The following IL18BP variants were observed in gnomAD, a reference collection of about 807,000 sequenced individuals.
The protein encoded by IL18BP is interleukin 18 binding protein.
In IL18BP, 23 loss-of-function variants were observed where a neutral mutation model predicts 19.9. The observed-to-expected ratio is 1.15, with a 90% CI of 0.83 to 1.64. IL18BP has a LOEUF of 1.64. Among genes scored for constraint, IL18BP ranks in the 40% most tolerant of loss-of-function variants. The pLI, the probability that IL18BP is intolerant of heterozygous loss-of-function variation, is 0.00. For missense variants in IL18BP, 239 were observed against 240.7 expected (o/e 0.99, Z 0.05); for synonymous variants, 107 against 101.0 (o/e 1.06, Z -0.35).
At chr11:72,001,083 C>T in intron 3 of IL18BP, 118 bp from the exon 4 acceptor site, 1 of 1,231,234 alleles carries the variant, frequency 8.1e-7, no homozygotes, top group Non-Finnish European at 1.2e-6. Context: ...GTGTGCAGAG[C>T]AGTTCTCTAG....
downstream of IL18BP, chr11:72,005,454 C>A: frequency 7.6e-7 from 1 of 1,310,888 alleles, no homozygotes; most frequent in South Asian, 1.3e-5. Flanking sequence ...GCCTTTGCTG[C>A]CACCTACCCC....
At chr11:72,007,962 G>A (rs1955859751), downstream of IL18BP, 1 of 379,602 alleles carries the variant, frequency 2.6e-6, no homozygotes, top group Non-Finnish European at 5.1e-6. Flanking sequence ...GAAGATGAGT[G>A]GTGACAAGCC....
intron 5 of IL18BP, 26 bp from the exon 6 acceptor site, chr11:72,001,758 A>T: frequency 6.2e-6 from 10 of 1,614,046 alleles, no homozygotes; most frequent in Non-Finnish European, 8.5e-6. Flanking sequence ...CCTTGGCCTG[A>T]TCCTTGTCTG....
rs547025486 is a variant in IL18BP, at chr11:72,002,673, AAG to A, written c.*818_*819del. ...GGGAACACAGGCGCTTGAAAAAGAA[AAG>A]AGAGAACAGCCCATAATGCTCCCCG... is the stretch of plus-strand genomic sequence containing the variant. On this transcript the variant is annotated 3_prime_UTR_variant, in exon 6 of 6. Coordinates refer to ENST00000393703, the MANE Select transcript of IL18BP (RefSeq NM_001039660.2). 1.8e-4 allele frequency: 30 copies of A among 171,316 alleles called. No homozygotes were observed. Among genetic ancestry groups the A allele is most frequent in the Admixed American group, 3.2e-4 (5 of 15,698 alleles). The allele number at this position is 171,316 out of a possible 1,614,324, so 10.6% of individuals were successfully genotyped here.
downstream of IL18BP, among the ~76,000 whole-genome samples, chr11:72,006,496 A>G (rs1223514171): frequency 6.6e-6 from 1 of 152,166 alleles, no homozygotes; most frequent in Non-Finnish European, 1.5e-5. Flanking sequence ...GAGTCTATTC[A>G]TAATGCTTTG....
downstream of IL18BP, chr11:72,006,400 T>G (rs373225778): frequency 1.5e-6 from 1 of 685,382 alleles, no homozygotes; most frequent in Admixed American, 2.9e-5. Context: ...TTAAAGTGTG[T>G]GTCTGCAAGA....
rs1955234925 is a variant in IL18BP at position 72,001,504 on chromosome 11, G to C, written c.459G>C (p.Val153=). The change falls in exon 5 of 6, where the codon GTG becomes GTC. Residue 153 remains valine, a synonymous_variant. Transcript: ENST00000393703. ...GCACCAACTTCTCCTGTGTGCTCGTGGACCCTGAACAGGTTGTCCAGCGTC... is the reference window on the plus strand; with the variant it reads ...GCACCAACTTCTCCTGTGTGCTCGTCGACCCTGAACAGGTTGTCCAGCGTC... ...LHSTNFSCVL[V]DPEQVVQRHV... 6.2e-7 allele frequency: 1 copy of C among 1,613,836 alleles called. No homozygotes were observed. Among genetic ancestry groups the C allele is most frequent in the African/African-American group, 1.3e-5 (1 of 74,930 alleles).
In IL18BP at chr11:72,000,336, C is replaced by G. The variant is rs750069997; in HGVS notation, c.29-15C>G. The G allele has an allele frequency of 6.2e-7, 1 of 1,611,690 alleles. No individual in the cohort carries two copies. Among genetic ancestry groups the G allele is most frequent in the Non-Finnish European group, 8.5e-7 (1 of 1,178,646 alleles). On this transcript the variant is annotated splice_polypyrimidine_tract_variant and intron_variant, in intron 2 of 5. Coordinates refer to ENST00000393703, the MANE Select transcript of IL18BP (RefSeq NM_001039660.2). Reference sequence around the variant, plus strand: ...TGTCTCCAGAGCCGCTGACCTGTAACTGTCCTTTCCTCAGACCTCAGCCCT... The same window carrying G: ...TGTCTCCAGAGCCGCTGACCTGTAAGTGTCCTTTCCTCAGACCTCAGCCCT...
chr11:72,007,128 A>T, downstream of IL18BP: 1 of 1,587,604 alleles, frequency 6.3e-7, no homozygotes, highest in Non-Finnish European at 8.5e-7. Flanking sequence ...GCCCAGTGCA[A>T]AGATGCCCTT....
downstream of IL18BP, chr11:72,004,868 G>A (rs1315515015): frequency 6.7e-7 from 1 of 1,494,582 alleles, no homozygotes; most frequent in Non-Finnish European, 9.0e-7. Flanking sequence ...GGAGATGGAG[G>A]AGGACCTGGG....
At position 72,001,511 on chromosome 11, in the gene IL18BP, G is replaced by C. The variant is rs1423995334; in HGVS notation, c.466G>C (p.Glu156Gln). 1 of 1,613,822 alleles carries C rather than the reference G, an allele frequency of 6.2e-7. No homozygotes were observed. Among genetic ancestry groups the C allele is most frequent in the Admixed American group, 1.7e-5 (1 of 59,988 alleles). The change falls in exon 5 of 6, where the codon GAA (glutamate) becomes CAA (glutamine). Residue 156 changes from glutamate to glutamine, a missense_variant. Physicochemically the swap from Glu to Gln is conservative, Grantham distance 29. Coordinates refer to ENST00000393703, the MANE Select transcript of IL18BP (RefSeq NM_001039660.2). ...TNFSCVLVDP[E>Q]QVVQRHVVLA... ...CTTCTCCTGTGTGCTCGTGGACCCT[G>C]AACAGGTTGTCCAGCGTCACGTCGT...
downstream of IL18BP, chr11:72,003,436 TGA>T: frequency 1.5e-6 from 2 of 1,291,850 alleles, no homozygotes; most frequent in African/African-American, 2.9e-5. Flanking sequence ...GCCTGGGAGC[TGA>T]GAGAAGGCAC....
Position 72,001,195 on chromosome 11 carries a change from C to T in IL18BP, c.236-6C>T. 1.2e-6 allele frequency: 2 copies of T among 1,614,038 alleles called. No individual in the cohort carries two copies. Among genetic ancestry groups the T allele is most frequent in the Middle Eastern group, 1.6e-4 (1 of 6,062 alleles). On this transcript the variant is annotated splice_region_variant and splice_polypyrimidine_tract_variant and intron_variant, in intron 3 of 5. Transcript: ENST00000393703. ...CTGAAGAGCTAACTGCTGCCTGTGT[C>T]CCTAGATGGAACGCTGAGCTTATCC... is the stretch of plus-strand genomic sequence containing the variant.
downstream of IL18BP, chr11:72,003,346 G>A (rs145493194): frequency 5.8e-4 from 378 of 651,646 alleles, 1 homozygote; most frequent in Non-Finnish European, 8.8e-4. Flanking sequence ...GGCCAGCTCC[G>A]AGAAGGCGCC....
downstream of IL18BP, chr11:72,007,570 G>A: frequency 8.6e-7 from 1 of 1,156,966 alleles, no homozygotes; most frequent in Non-Finnish European, 1.2e-6. Flanking sequence ...TGATTTTTCA[G>A]AGGTACCAAG....
downstream of IL18BP, chr11:72,005,285 C>T (rs149533566): frequency 7.5e-6 from 12 of 1,609,750 alleles, no homozygotes; most frequent in African/African-American, 2.7e-5. Flanking sequence ...CACTCGATTG[C>T]GCTGCTGCAG....
downstream of IL18BP, chr11:72,005,714 C>A: frequency 2.0e-6 from 1 of 496,838 alleles, no homozygotes; most frequent in Non-Finnish European, 3.5e-6. Context: ...CAAGAGCTTC[C>A]AAGAAGAGTC....
rs1955111441 is a variant in IL18BP, at chr11:71,999,786, C to T, written c.-58-141C>T. ...GAGCTGGGGTGGGGAAGGATTGTCA[C>T]TTGACCCCCCCAGCTCTGTTTCTAA... On this transcript the variant is annotated intron_variant, in intron 1 of 5. Transcript: ENST00000393703. The T allele has an allele frequency of 2.2e-5, 13 of 596,366 alleles. No individual in the cohort carries two copies. The South Asian group carries it at 2.6e-4, about 12-fold the overall frequency. 36.9% of individuals were successfully genotyped at this position (596,366 alleles called of 1,614,324 possible). A position where few individuals can be genotyped will look rare whatever the true frequency, so the allele number is the denominator to read the frequency against.
At chr11:72,004,516 C>G (rs558977373), downstream of IL18BP, 312 of 1,277,118 alleles carry the variant, frequency 2.4e-4, 1 homozygote, top group Non-Finnish European at 3.3e-4. Context: ...GGGTCAGGCC[C>G]TTGGAGAGAG....
Sources: allele counts gnomAD v4.1 joint callset (sites outside exome capture counted in the v4.1 genomes callset), GRCh38; gene constraint gnomAD v4.1.1; transcripts MANE v1.5; gene names NCBI Gene and HGNC (gene_info 2026-07-23, HGNC 2026-07-21).